MROH1: variants seen among roughly 807,000 people sequenced by gnomAD.
MROH1 encodes the protein maestro heat-like repeat-containing protein family member 1.
MROH1 carries 117 observed loss-of-function variants against 116.5 expected under a neutral mutation model. The observed-to-expected ratio is 1.00, with a 90% CI of 0.86 to 1.17. The LOEUF (loss-of-function observed/expected upper bound fraction) is 1.17, where lower values mean the gene tolerates loss of function less well. Ranked by LOEUF, MROH1 falls within the 50% of genes most tolerant of loss-of-function variation. The pLI is 0.00. For missense variants in MROH1, 1,873 were observed against 1,338.5 expected (o/e 1.40, Z -6.23); for synonymous variants, 921 against 583.9 (o/e 1.58, Z -8.32).
At position 144,180,276 on chromosome 8, in the gene MROH1, GCAC is replaced by G. The variant is rs1328845965; in HGVS notation, c.401_403del (p.His134del). 70 of 1,610,268 alleles carry G rather than the reference GCAC, an allele frequency of 4.3e-5. No individual in the cohort carries two copies. The highest frequency in any genetic ancestry group is 5.9e-5 in the Non-Finnish European group (70 of 1,179,802). ...TGATGGAGGAGCTGCTGCGCAGGCT[GCAC>G]CCTGGGACCCTGCCACACTGCGCCG... On this transcript the variant is annotated inframe_deletion, in exon 6 of 44. Transcript: ENST00000326134. This position sits in a 1 kb window ranked among gnomAD's most constrained non-coding sequence, Gnocchi z 7.4.
At chr8:144,217,394 C>T (rs1835505838) in intron 12 of MROH1, among the ~76,000 whole-genome samples, 1 of 152,178 alleles carries the variant, frequency 6.6e-6, no homozygotes, top group Non-Finnish European at 1.5e-5. Context: ...ACTTGGATTC[C>T]GTTTCCAGGA....
chr8:144,224,495 A>C (rs911973416), intron 14 of MROH1, among the ~76,000 whole-genome samples: 5 of 152,000 alleles, frequency 3.3e-5, no homozygotes, highest in African/African-American at 1.2e-4. Flanking sequence ...CGAACTCTTG[A>C]GGTCAAGCAA....
chr8:144,258,945 C>T, intron 36 of MROH1, 31 bp downstream of exon 36: 1 of 711,072 alleles, frequency 1.4e-6, no homozygotes, highest in South Asian at 1.5e-5. Flanking sequence ...GCAGCTCCAG[C>T]ACTGGCTGGG....
At chr8:144,249,056 G>A in intron 32 of MROH1, 27 bp downstream of exon 32, 2 of 636,608 alleles carry the variant, frequency 3.1e-6, no homozygotes, top group Non-Finnish European at 5.9e-6. Flanking sequence ...CGCGGGGGGT[G>A]CTCCAGGAGA....
At chr8:144,230,703 T>C (rs1838690500) in intron 14 of MROH1, among the ~76,000 whole-genome samples, 1 of 151,968 alleles carries the variant, frequency 6.6e-6, no homozygotes, top group Non-Finnish European at 1.5e-5. Context: ...TGGAGGAGTT[T>C]GAGAAGGATT....
In MROH1 at chr8:144,254,766, G is replaced by A. The variant is rs1001031929; in HGVS notation, c.3429-47G>A. 5.7e-4 allele frequency: 422 copies of A among 738,630 alleles called. 3 individuals are homozygous for A. Among genetic ancestry groups the A allele is most frequent in the Admixed American group, 1.2e-3 (71 of 56,910 alleles). The allele number at this position is 738,630 out of a possible 1,614,324, so 45.8% of individuals were successfully genotyped here. A position where few individuals can be genotyped will look rare whatever the true frequency, so the allele number is the denominator to read the frequency against. On this transcript the variant is annotated intron_variant, in intron 33 of 43. Coordinates refer to ENST00000326134, the MANE Select transcript of MROH1 (RefSeq NM_032450.3). ...GGCACCCAGGTGGCGGGGGGCAGGC[G>A]CCCTGACCAGCCACGGCCTCAAAGT... is the stretch of plus-strand genomic sequence containing the variant.
chr8:144,208,403 T>TG (rs1328438355), intron 12 of MROH1, among the ~76,000 whole-genome samples: 14 of 20,284 alleles, frequency 6.9e-4, no homozygotes, highest in Non-Finnish European at 8.1e-4. Flanking sequence ...GACTGGTGGG[T>TG]GGGGTTTTTT....
chr8:144,231,167 T>A (rs1391324922), intron 14 of MROH1, among the ~76,000 whole-genome samples: 8 of 150,320 alleles, frequency 5.3e-5, no homozygotes, highest in Admixed American at 5.3e-4. Flanking sequence ...GAAGAAGTTT[T>A]CTTAGTACAG....
intron 14 of MROH1, among the ~76,000 whole-genome samples, chr8:144,238,292 C>T (rs1006402801): frequency 4.0e-5 from 6 of 151,616 alleles, no homozygotes; most frequent in Non-Finnish European, 5.9e-5. Context: ...TATTTCAAAA[C>T]CTGAATGGAA....
intron 4 of MROH1, among the ~76,000 whole-genome samples, chr8:144,177,983 T>G (rs1824469035): frequency 1.3e-5 from 2 of 151,754 alleles, no homozygotes; most frequent in Non-Finnish European, 2.9e-5. Flanking sequence ...TTTTTTTTCT[T>G]TGAGACAGTC....
At chr8:144,260,598 C>T (rs1844851303) in intron 39 of MROH1, 79 bp from the exon 40 acceptor site, 1 of 766,372 alleles carries the variant, frequency 1.3e-6, no homozygotes, top group Non-Finnish European at 2.4e-6. Flanking sequence ...CAAGGGCACC[C>T]ATCAATGGCA....
At chr8:144,197,496 CGCGATCTTG>C (rs1279081086) in intron 10 of MROH1, among the ~76,000 whole-genome samples, 1 of 122,236 alleles carries the variant, frequency 8.2e-6, no homozygotes, top group Admixed American at 1.1e-4. Flanking sequence ...AGTGCAGTGG[CGCGATCTTG>C]GCTCACTGCA....
chr8:144,240,061 G>A, intron 18 of MROH1, 40 bp from the exon 19 acceptor site: 1 of 763,922 alleles, frequency 1.3e-6, no homozygotes, highest in Non-Finnish European at 2.4e-6. Context: ...CCCCACTGGT[G>A]CGTTTTGGGA....
intron 1 of MROH1, among the ~76,000 whole-genome samples, chr8:144,149,406 T>C (rs1816199785): frequency 6.6e-6 from 1 of 152,148 alleles, no homozygotes; most frequent in Non-Finnish European, 1.5e-5. Context: ...CACCTCGTCA[T>C]TTCCCACTGG....
chr8:144,221,060 A>T (rs1836621906), intron 13 of MROH1, among the ~76,000 whole-genome samples: 1 of 152,124 alleles, frequency 6.6e-6, no homozygotes, highest in Non-Finnish European at 1.5e-5. Flanking sequence ...GGGCCCACAC[A>T]CAGAGCTCCC....
intron 12 of MROH1, among the ~76,000 whole-genome samples, chr8:144,219,086 G>A (rs1269918225): frequency 4.4e-4 from 66 of 150,714 alleles, no homozygotes; most frequent in African/African-American, 1.6e-3. Flanking sequence ...GCAGTGGTGC[G>A]ATCTCAGCTC....
At chr8:144,213,338 T>C (rs1342375386) in intron 12 of MROH1, 1 of 432,652 alleles carries the variant, frequency 2.3e-6, no homozygotes, top group Non-Finnish European at 4.1e-6. Context: ...TTGTGCCTTT[T>C]ATCGTTGATG....
rs1224257193 is a variant in MROH1, at chr8:144,261,233, G to A, written c.4774+17G>A. On this transcript the variant is annotated intron_variant, in intron 42 of 43. Transcript: ENST00000326134. ...TGTTCACCGGTAAGCACCACCCCCT[G>A]CCCCACCCCCACGCCGCCCGGCAGC... The A allele has an allele frequency of 1.7e-5, 13 of 762,422 alleles. No homozygotes were observed. Among genetic ancestry groups the A allele is most frequent in the Non-Finnish European group, 3.1e-5 (13 of 417,340 alleles). The allele number at this position is 762,422 out of a possible 1,614,324, so 47.2% of individuals were successfully genotyped here.
intron 12 of MROH1, chr8:144,213,069 G>A (rs753122567): frequency 9.0e-6 from 7 of 778,790 alleles, no homozygotes; most frequent in East Asian, 7.3e-5. Context: ...TGCCCTGCAC[G>A]TGCTGCTCCG....
Sources: gnomAD v4.1 joint callset for allele counts (sites outside exome capture counted in the v4.1 genomes callset) on GRCh38, gnomAD v4.1.1 for gene constraint, Gnocchi (gnomAD v3.1) non-coding constraint, MANE v1.5 for transcripts, NCBI Gene and HGNC (gene_info 2026-07-23, HGNC 2026-07-21) for gene names.